The following PGBD5 variants were observed in gnomAD, a reference collection of about 807,000 sequenced individuals.
PGBD5 encodes the protein piggyBac transposable element-derived protein 5.
A neutral mutation model predicts 47.9 loss-of-function variants in PGBD5; 14 were observed. The ratio of observed to expected loss-of-function variants is 0.29; its 90% CI spans 0.19 to 0.46. PGBD5 has a LOEUF of 0.46. Among genes scored for constraint, PGBD5 ranks in the 20% least tolerant of loss-of-function variants. The pLI, the probability that PGBD5 is intolerant of heterozygous loss-of-function variation, is 1.00. For synonymous variants in PGBD5, 316 were observed against 306.3 expected, an observed-to-expected ratio of 1.03 and a Z score of -0.33; for missense variants, 635 against 716.0, an observed-to-expected ratio of 0.89 and a Z score of 1.29.
intron 1 of PGBD5, among the ~76,000 whole-genome samples, chr1:230,406,460 A>T (rs191243493): frequency 6.6e-6 from 1 of 152,304 alleles, no homozygotes; most frequent in Admixed American, 6.5e-5. Context: ...GCCTTGAAGT[A>T]TATAAACTGA....
At chr1:230,398,377 C>G (rs1657052106) in intron 1 of PGBD5, among the ~76,000 whole-genome samples, 1 of 149,152 alleles carries the variant, frequency 6.7e-6, no homozygotes, top group South Asian at 2.3e-4. Flanking sequence ...CGCATGGGCT[C>G]CCCCATGTGT....
chr1:230,366,580 T>C (rs1246662301), intron 1 of PGBD5, among the ~76,000 whole-genome samples: 2 of 152,256 alleles, frequency 1.3e-5, no homozygotes, highest in Non-Finnish European at 2.9e-5. Flanking sequence ...GCTGAGGTTC[T>C]GGACCAGGCT....
At position 230,403,842 on chromosome 1, in the gene PGBD5, C is replaced by T. The variant is rs909453091; in HGVS notation, c.331+21756G>A. On this transcript the variant is annotated intron_variant, in intron 1 of 6. Transcript: ENST00000391860. ...AGTCTCAGCAACACACAAGGGGGAC[C>T]GCCCAGAAGAAACAGACACACCCCC... 4.6e-5 allele frequency among the ~76,000 whole-genome samples: 7 copies of T among 152,202 alleles called. No individual in the cohort carries two copies. In the Middle Eastern group the frequency reaches 0.01, roughly 222 times the overall value.
chr1:230,398,853 CAT>C (rs1288892044), intron 1 of PGBD5, among the ~76,000 whole-genome samples: 16 of 152,164 alleles, frequency 1.1e-4, no homozygotes, highest in Admixed American at 1.0e-3. Flanking sequence ...AGATTCAAAA[CAT>C]AGCCATGGGC....
chr1:230,327,448 A>G (rs1411637163), intron 5 of PGBD5, among the ~76,000 whole-genome samples: 3 of 152,182 alleles, frequency 2.0e-5, no homozygotes. Flanking sequence ...CCTCAGAAAC[A>G]GCAGCATTTC....
At chr1:230,398,555 C>T (rs1002342060) in intron 1 of PGBD5, among the ~76,000 whole-genome samples, 1 of 152,214 alleles carries the variant, frequency 6.6e-6, no homozygotes, top group African/African-American at 2.4e-5. Flanking sequence ...GGGGTGGACA[C>T]AATTCAGCTC....
intron 1 of PGBD5, among the ~76,000 whole-genome samples, chr1:230,394,428 G>C (rs1656872923): frequency 7.5e-6 from 1 of 132,508 alleles, no homozygotes; most frequent in African/African-American, 2.9e-5. Flanking sequence ...CCCCACCTCT[G>C]CTCCCCAAGC....
intron 5 of PGBD5, among the ~76,000 whole-genome samples, chr1:230,332,626 C>A (rs1398716452): frequency 6.6e-6 from 1 of 152,192 alleles, no homozygotes; most frequent in Non-Finnish European, 1.5e-5. Context: ...CAAAAGCTTA[C>A]AACGAACAGG....
intron 1 of PGBD5, among the ~76,000 whole-genome samples, chr1:230,405,064 A>G (rs1354665339): frequency 1.3e-5 from 2 of 149,994 alleles, no homozygotes; most frequent in African/African-American, 2.5e-5. Context: ...GTGTGGTGGC[A>G]GGCGCCTGTA....
Position 230,377,479 on chromosome 1 carries a change from C to G in PGBD5, c.332-20158G>C, listed in dbSNP as rs750505889. On this transcript the variant is annotated intron_variant, in intron 1 of 6. Transcript: ENST00000391860. ...ATCTCTTGCCCAGAGCTGGAAGGGC[C>G]TTACTAAGACAGCTGTACCTGTGAA... 11 of 1,611,572 alleles carry G rather than the reference C, an allele frequency of 6.8e-6. No individual in the cohort carries two copies. In the Admixed American group the frequency reaches 1.3e-4, roughly 20 times the overall value.
At chr1:230,391,033 C>T (rs1216084101) in intron 1 of PGBD5, among the ~76,000 whole-genome samples, 1 of 152,142 alleles carries the variant, frequency 6.6e-6, no homozygotes, top group Non-Finnish European at 1.5e-5. Flanking sequence ...AGCTACCACG[C>T]CCAGCCTCAT....
rs117180907 is a variant in PGBD5, at chr1:230,327,686, T to C, written c.1274-2271A>G. Among the ~76,000 whole-genome samples the C allele has an allele frequency of 3.9e-3, 597 of 152,306 alleles. 8 individuals carry two copies. In the East Asian group the frequency reaches 0.052, roughly 13 times the overall value. ...GAGAGATGTTCTGCTGTCGGGAGCC[T>C]GCAGAGGGGGCGTTCTCCAGGGCTC... is the stretch of plus-strand genomic sequence containing the variant. On this transcript the variant is annotated intron_variant, in intron 5 of 6. Transcript: ENST00000391860.
chr1:230,389,887 A>T (rs142616309), intron 1 of PGBD5, among the ~76,000 whole-genome samples: 2 of 152,346 alleles, frequency 1.3e-5, no homozygotes, highest in African/African-American at 4.8e-5. Context: ...GGACCTGAGG[A>T]CATCACCCTG....
intron 1 of PGBD5, among the ~76,000 whole-genome samples, chr1:230,361,416 C>T (rs958046895): frequency 1.3e-5 from 2 of 152,102 alleles, no homozygotes; most frequent in African/African-American, 4.8e-5. Flanking sequence ...GCTGATGGTG[C>T]ATTGCCAGAC....
In PGBD5 at chr1:230,321,494, G is replaced by A. The variant is rs1479242594; in HGVS notation, c.*1931C>T. The A allele has an allele frequency of 6.6e-6, 1 of 152,012 alleles. No individual in the cohort carries two copies. The highest frequency in any genetic ancestry group is 2.4e-5 in the African/African-American group (1 of 41,354). The allele number at this position is 152,012 out of a possible 1,614,324, so 9.4% of individuals were successfully genotyped here. On this transcript the variant is annotated 3_prime_UTR_variant, in exon 7 of 7. Coordinates refer to ENST00000391860, the MANE Select transcript of PGBD5 (RefSeq NM_001258311.2). ...AATTCTTGTATTTTTTGTAGAAATG[G>A]GCTTTCGCCATGTTGCCAATGCTGG... is the stretch of plus-strand genomic sequence containing the variant.
chr1:230,387,806 G>C (rs183998332), intron 1 of PGBD5, among the ~76,000 whole-genome samples: 9 of 152,118 alleles, frequency 5.9e-5, no homozygotes, highest in African/African-American at 1.9e-4. Context: ...TCCTAGGCTC[G>C]GGCCTGCAAT....
At chr1:230,418,371 C>A (rs999401242) in intron 1 of PGBD5, among the ~76,000 whole-genome samples, 1 of 152,056 alleles carries the variant, frequency 6.6e-6, no homozygotes, top group East Asian at 1.9e-4. Flanking sequence ...CTGCTCTATG[C>A]GATATGGATG....
intron 1 of PGBD5, among the ~76,000 whole-genome samples, chr1:230,419,300 T>C (rs1370713977): frequency 6.6e-6 from 1 of 152,212 alleles, no homozygotes; most frequent in Non-Finnish European, 1.5e-5. Flanking sequence ...AGTGAACTAA[T>C]GCAGGAATAG....
intron 1 of PGBD5, among the ~76,000 whole-genome samples, chr1:230,379,140 T>A (rs1296368837): frequency 6.6e-6 from 1 of 152,160 alleles, no homozygotes; most frequent in African/African-American, 2.4e-5. Context: ...TCCCTAGATG[T>A]CCAACTCTAG....
Sources: allele counts gnomAD v4.1 joint callset (sites outside exome capture counted in the v4.1 genomes callset), GRCh38; gene constraint gnomAD v4.1.1; transcripts MANE v1.5; gene names NCBI Gene and HGNC (gene_info 2026-07-23, HGNC 2026-07-21).